The following PCDH15 variants were observed in gnomAD, a reference collection of about 807,000 sequenced individuals.
The protein encoded by PCDH15 is protocadherin related 15.
A neutral mutation model predicts 178.5 loss-of-function variants in PCDH15; 129 were observed. The ratio of observed to expected loss-of-function variants is 0.72; its 90% CI spans 0.63 to 0.84. The LOEUF is 0.84. Among genes scored for constraint, PCDH15 ranks in the 40% least tolerant of loss-of-function variants. PCDH15 has a pLI of 0.00. For missense variants in PCDH15, 2,230 were observed against 2,099.9 expected, an observed-to-expected ratio of 1.06 and a Z score of -1.21; for synonymous variants, 800 against 732.0, an observed-to-expected ratio of 1.09 and a Z score of -1.50.
At chr10:53,821,560 T>C (rs1588922012) in intron 32 of PCDH15, 1 of 1,107,366 alleles carries the variant, frequency 9.0e-7, no homozygotes, top group East Asian at 6.1e-5. Flanking sequence ...AAGTTGGGTA[T>C]CTAATTTTCA....
intron 2 of PCDH15, among the ~76,000 whole-genome samples, chr10:55,076,547 T>C (rs1325388477): frequency 2.0e-5 from 3 of 151,710 alleles, no homozygotes; most frequent in African/African-American, 4.8e-5. Context: ...TGCCTTCAAA[T>C]GGTTCTTGTG....
chr10:55,216,032 G>A (rs533855655), intron 1 of PCDH15, among the ~76,000 whole-genome samples: 1 of 151,802 alleles, frequency 6.6e-6, no homozygotes, highest in Non-Finnish European at 1.5e-5. Context: ...TTACTTACAT[G>A]TATTATCTAG....
chr10:54,444,388 C>T (rs1313456674), intron 3 of PCDH15, among the ~76,000 whole-genome samples: 2 of 151,710 alleles, frequency 1.3e-5, no homozygotes, highest in Non-Finnish European at 1.5e-5. Context: ...TGTAGACACA[C>T]TCACGGATGA....
chr10:54,777,802 C>T (rs1457203383), intron 1 of PCDH15, among the ~76,000 whole-genome samples: 1 of 151,766 alleles, frequency 6.6e-6, no homozygotes, highest in Admixed American at 6.6e-5. Context: ...TTTCTTTTTG[C>T]CAAAAGAAAG....
chr10:54,997,695 T>C (rs1468433658), intron 2 of PCDH15, among the ~76,000 whole-genome samples: 1 of 152,148 alleles, frequency 6.6e-6, no homozygotes, highest in East Asian at 1.9e-4. Context: ...TTTAAGTTTG[T>C]TACTATAAAA....
intron 2 of PCDH15, among the ~76,000 whole-genome samples, chr10:55,007,815 T>C (rs1412466247): frequency 6.6e-6 from 1 of 152,110 alleles, no homozygotes; most frequent in Non-Finnish European, 1.5e-5. Flanking sequence ...CTTCAAGATG[T>C]AAATGGTATA....
intron 1 of PCDH15, among the ~76,000 whole-genome samples, chr10:55,180,727 T>C (rs1241057836): frequency 6.6e-6 from 1 of 152,168 alleles, no homozygotes; most frequent in Non-Finnish European, 1.5e-5. Flanking sequence ...GGCAAAAATA[T>C]CATGAAATTA....
chr10:54,103,614 A>G (rs1419795920), intron 15 of PCDH15, among the ~76,000 whole-genome samples: 9 of 151,874 alleles, frequency 5.9e-5, no homozygotes, highest in Non-Finnish European at 2.9e-5. Flanking sequence ...TGACTAGTCC[A>G]CTCCACCATC....
intron 2 of PCDH15, among the ~76,000 whole-genome samples, chr10:55,355,868 T>A (rs1202942526): frequency 6.6e-6 from 1 of 151,948 alleles, no homozygotes; most frequent in Non-Finnish European, 1.5e-5. Flanking sequence ...AAAATAAAAC[T>A]TTCCATGTGA....
chr10:54,814,015 G>A (rs1564531736), intron 3 of PCDH15, among the ~76,000 whole-genome samples: 1 of 151,998 alleles, frequency 6.6e-6, no homozygotes. Context: ...TATTTCTGCT[G>A]AAAAAAATGA....
intron 3 of PCDH15, among the ~76,000 whole-genome samples, chr10:54,471,684 C>A (rs1259208950): frequency 2.6e-5 from 4 of 150,982 alleles, no homozygotes. Flanking sequence ...TAGTTTCCTG[C>A]ATATTCATTA....
intron 8 of PCDH15, among the ~76,000 whole-genome samples, chr10:54,308,504 A>T (rs1168681521): frequency 6.6e-6 from 1 of 152,130 alleles, no homozygotes; most frequent in South Asian, 2.1e-4. Flanking sequence ...TAAAAATTTC[A>T]ATGTCTTCAC....
intron 1 of PCDH15, among the ~76,000 whole-genome samples, chr10:55,297,446 A>G (rs956424404): frequency 7.9e-5 from 12 of 152,066 alleles, no homozygotes; most frequent in Non-Finnish European, 1.3e-4. Context: ...CATTGTTTTT[A>G]TTTGTAATTT....
intron 2 of PCDH15, among the ~76,000 whole-genome samples, chr10:55,547,890 T>TGG (rs201162611): frequency 0.15 from 13,023 of 85,386 alleles, 981 homozygotes; most frequent in East Asian, 0.21. Flanking sequence ...GGAGGTGGTG[T>TGG]GTGTGTCTGT....
At chr10:55,445,059 A>G (rs1839285113) in intron 2 of PCDH15, among the ~76,000 whole-genome samples, 1 of 152,154 alleles carries the variant, frequency 6.6e-6, no homozygotes, top group South Asian at 2.1e-4. Flanking sequence ...TTAAATATGA[A>G]TGAAACTCCC....
At chr10:53,965,869 A>T (rs958127383) in intron 21 of PCDH15, among the ~76,000 whole-genome samples, 3 of 73,022 alleles carry the variant, frequency 4.1e-5, no homozygotes, top group Middle Eastern at 9.3e-3. Flanking sequence ...TAAAGCCAAA[A>T]TTTTTTTTTG....
intron 3 of PCDH15, among the ~76,000 whole-genome samples, chr10:54,412,754 G>T (rs192199254): frequency 9.9e-5 from 15 of 152,190 alleles, no homozygotes; most frequent in Non-Finnish European, 1.8e-4. Context: ...ACAGAGTCTC[G>T]CTCTGTAGCC....
chr10:54,843,907 G>T (rs2131754990), intron 3 of PCDH15, among the ~76,000 whole-genome samples: 1 of 152,024 alleles, frequency 6.6e-6, no homozygotes, highest in East Asian at 1.9e-4. Flanking sequence ...CATGACAAAT[G>T]GCAATGAACA....
intron 2 of PCDH15, among the ~76,000 whole-genome samples, chr10:54,560,589 T>G (rs538284520): frequency 0.066 from 10,074 of 152,058 alleles, 504 homozygotes; most frequent in Non-Finnish European, 0.1. Flanking sequence ...GCTTAAAATT[T>G]GCCCTTTCAA....
Sources: gnomAD v4.1 joint callset for allele counts (sites outside exome capture counted in the v4.1 genomes callset) on GRCh38, gnomAD v4.1.1 for gene constraint, MANE v1.5 for transcripts, NCBI Gene and HGNC (gene_info 2026-07-23, HGNC 2026-07-21) for gene names.